TMEM196: variants seen among roughly 807,000 people sequenced by gnomAD.
TMEM196 encodes the protein transmembrane protein 196.
A neutral mutation model predicts 20.0 loss-of-function variants in TMEM196; 17 were observed. The ratio of observed to expected loss-of-function variants is 0.85; its 90% confidence interval spans 0.58 to 1.27. The LOEUF (loss-of-function observed/expected upper bound fraction) is 1.27. Among genes scored for constraint, TMEM196 ranks in the 50% most tolerant of loss-of-function variants. The pLI is 0.00. For synonymous variants in TMEM196, 113 were observed against 88.9 expected (o/e 1.27, Z -1.52); for missense variants, 267 against 223.0 (o/e 1.20, Z -1.26).
rs1554298463 is a variant in TMEM196 at position 19,736,400 on chromosome 7, T to TAA, written c.148-6964_148-6963dup. ...ATATATATATATATATATATATATA[T>TAA]AAATTATCTCTGTAAAATGGAGAAA... On this transcript the variant is annotated intron_variant, in intron 1 of 4. Coordinates refer to ENST00000405844, the MANE Select transcript of TMEM196 (RefSeq NM_001363562.2). 3.5e-4 allele frequency among the ~76,000 whole-genome samples: 47 copies of TAA among 136,084 alleles called. 1 individual carries two copies. In the South Asian group the frequency reaches 6.3e-3, roughly 18 times the overall value. The allele number at this position is 136,084 out of a possible 152,430, so 89.3% of individuals were successfully genotyped here. A position where few individuals can be genotyped will look rare whatever the true frequency, so the allele number is the denominator to read the frequency against.
intron 3 of TMEM196, among the ~76,000 whole-genome samples, chr7:19,725,214 CTG>C (rs1296383672): frequency 6.6e-6 from 1 of 152,112 alleles, no homozygotes; most frequent in African/African-American, 2.4e-5. Flanking sequence ...TATTTAGTAT[CTG>C]TGTTTTTCCT....
intron 1 of TMEM196, among the ~76,000 whole-genome samples, chr7:19,738,774 T>C (rs1228540909): frequency 6.6e-6 from 1 of 152,034 alleles, no homozygotes; most frequent in East Asian, 1.9e-4. Context: ...TAAAAATGAA[T>C]GATAGACTAA....
rs1443920523 is a variant in TMEM196 at position 19,765,946 on chromosome 7, T to C, written c.147+6604A>G. Among the ~76,000 whole-genome samples the C allele has an allele frequency of 2.6e-5, 4 of 152,150 alleles. No homozygotes were observed. The East Asian group carries it at 7.7e-4, about 29-fold the overall frequency. On this transcript the variant is annotated intron_variant, in intron 1 of 4. Transcript: ENST00000405844. ...ATATTGAGAGCCAGAGCATCACTAG[T>C]GGACTCTAGGTCCTAGGGAGGCAAG...
chr7:19,736,658 A>T (rs1287297999), intron 1 of TMEM196, among the ~76,000 whole-genome samples: 9 of 151,612 alleles, frequency 5.9e-5, no homozygotes, highest in Non-Finnish European at 1.3e-4. Context: ...CAATAGACCT[A>T]TTCATTTTAG....
At chr7:19,735,805 C>T (rs1784379506) in intron 1 of TMEM196, among the ~76,000 whole-genome samples, 1 of 152,094 alleles carries the variant, frequency 6.6e-6, no homozygotes, top group African/African-American at 2.4e-5. Context: ...TTAACTACTT[C>T]AGATGAAATA....
At position 19,719,820 on chromosome 7, in the gene TMEM196, A is replaced by G. The variant is rs998844198; in HGVS notation, c.*2308T>C. 1 of 152,088 alleles carries G rather than the reference A, an allele frequency of 6.6e-6. No homozygotes were observed. The highest frequency in any genetic ancestry group is 2.4e-5 in the African/African-American group (1 of 41,442). The allele number at this position is 152,088 out of a possible 1,614,324, so 9.4% of individuals were successfully genotyped here. ...TATATCTATACTTGGTTAAACATAC[A>G]CTGTAAACTATTTGAATAATTGTGA... On this transcript the variant is annotated 3_prime_UTR_variant, in exon 5 of 5. Coordinates refer to ENST00000405844, the MANE Select transcript of TMEM196 (RefSeq NM_001363562.2).
At chr7:19,758,330 G>C (rs959733673) in intron 1 of TMEM196, among the ~76,000 whole-genome samples, 1 of 152,140 alleles carries the variant, frequency 6.6e-6, no homozygotes, top group African/African-American at 2.4e-5. Flanking sequence ...CTTCCAAACA[G>C]GTAGAAACCT....
chr7:19,757,066 A>G (rs188108327), intron 1 of TMEM196, among the ~76,000 whole-genome samples: 31 of 152,162 alleles, frequency 2.0e-4, no homozygotes, highest in Middle Eastern at 6.8e-3. Context: ...AGAAAATACA[A>G]TGTTTTCCTA....
chr7:19,771,880 G>A (rs1785894982), intron 1 of TMEM196, among the ~76,000 whole-genome samples: 1 of 152,140 alleles, frequency 6.6e-6, no homozygotes, highest in Non-Finnish European at 1.5e-5. Flanking sequence ...GTTATTACAC[G>A]TCTTACCATC....
chr7:19,755,865 CT>C (rs1785189482), intron 1 of TMEM196, among the ~76,000 whole-genome samples: 1 of 152,052 alleles, frequency 6.6e-6, no homozygotes, highest in African/African-American at 2.4e-5. Flanking sequence ...CCTGTCTCCA[CT>C]AAAAATATAA....
At chr7:19,724,193 T>G in intron 4 of TMEM196, 87 bp downstream of exon 4, 1 of 1,173,076 alleles carries the variant, frequency 8.5e-7, no homozygotes, top group Non-Finnish European at 1.2e-6. Flanking sequence ...CAGTTCAGAC[T>G]GATCTGTTGA....
intron 2 of TMEM196, among the ~76,000 whole-genome samples, chr7:19,727,824 C>G (rs1466842171): frequency 2.6e-5 from 4 of 152,132 alleles, no homozygotes; most frequent in African/African-American, 9.7e-5. Flanking sequence ...ACAAAACAAT[C>G]TTATCCAGGA....
At chr7:19,732,401 C>T (rs865909365) in intron 1 of TMEM196, among the ~76,000 whole-genome samples, 6 of 151,888 alleles carry the variant, frequency 4.0e-5, no homozygotes, top group South Asian at 2.1e-4. Context: ...GGTGAAACTC[C>T]GTCTCTACTA....
At chr7:19,733,744 A>C (rs556210103) in intron 1 of TMEM196, among the ~76,000 whole-genome samples, 59 of 152,072 alleles carry the variant, frequency 3.9e-4, no homozygotes, top group Non-Finnish European at 7.8e-4. Context: ...GAGGACATTG[A>C]CCATTGGAGA....
At chr7:19,767,209 A>C (rs1452972577) in intron 1 of TMEM196, among the ~76,000 whole-genome samples, 1 of 152,036 alleles carries the variant, frequency 6.6e-6, no homozygotes, top group Non-Finnish European at 1.5e-5. Context: ...ATGTGACAAA[A>C]CTCACCAAAT....
At chr7:19,734,174 A>G (rs1362761012) in intron 1 of TMEM196, among the ~76,000 whole-genome samples, 1 of 152,192 alleles carries the variant, frequency 6.6e-6, no homozygotes, top group Non-Finnish European at 1.5e-5. Context: ...GCCAAACAAC[A>G]TTTAGTTCCT....
At chr7:19,744,025 T>G (rs1784664781) in intron 1 of TMEM196, among the ~76,000 whole-genome samples, 1 of 152,130 alleles carries the variant, frequency 6.6e-6, no homozygotes, top group African/African-American at 2.4e-5. Context: ...AGGACTAGAT[T>G]GTGGAAGAAA....
intron 1 of TMEM196, among the ~76,000 whole-genome samples, chr7:19,738,476 C>G (rs933678815): frequency 6.6e-6 from 1 of 152,028 alleles, no homozygotes; most frequent in South Asian, 2.1e-4. Flanking sequence ...GAGCAACATG[C>G]CAGTATCAAT....
At chr7:19,726,134 C>A (rs1048099195) in intron 2 of TMEM196, among the ~76,000 whole-genome samples, 1 of 152,114 alleles carries the variant, frequency 6.6e-6, no homozygotes, top group African/African-American at 2.4e-5. Context: ...GGAACTTTAA[C>A]AAATATCATC....
Sources: allele counts gnomAD v4.1 joint callset (sites outside exome capture counted in the v4.1 genomes callset), GRCh38; gene constraint gnomAD v4.1.1; transcripts MANE v1.5; gene names NCBI Gene and HGNC (gene_info 2026-07-23, HGNC 2026-07-21).